The following WIF1 variants were observed in gnomAD, a reference collection of about 807,000 sequenced individuals.
WIF1 encodes the protein Wnt inhibitory factor 1.
A neutral mutation model predicts 53.5 loss-of-function variants in WIF1; 35 were observed. The ratio of observed to expected loss-of-function variants is 0.65; its 90% CI spans 0.50 to 0.87. WIF1 has a LOEUF of 0.87. Ranked by LOEUF, WIF1 falls within the 40% of genes least tolerant of loss-of-function variation. The probability of loss-of-function intolerance (pLI) is 0.00; values close to 1 mark genes in which losing one functional copy is unlikely to be tolerated. For synonymous variants in WIF1, 171 were observed against 170.4 expected (o/e 1.00, Z -0.03); for missense variants, 467 against 476.8 (o/e 0.98, Z 0.19).
intron 2 of WIF1, among the ~76,000 whole-genome samples, chr12:65,080,645 C>A (rs898491159): frequency 1.3e-5 from 2 of 152,022 alleles, no homozygotes; most frequent in African/African-American, 4.8e-5. Flanking sequence ...GTGATAGATG[C>A]CCTTATAATG....
intron 2 of WIF1, among the ~76,000 whole-genome samples, chr12:65,090,269 A>G (rs1592397620): frequency 6.6e-6 from 1 of 152,164 alleles, no homozygotes; most frequent in East Asian, 1.9e-4. Flanking sequence ...AGTCTGGGCT[A>G]GAGTGAGACC....
At chr12:65,075,866 A>G (rs1882853144) in intron 3 of WIF1, among the ~76,000 whole-genome samples, 1 of 152,212 alleles carries the variant, frequency 6.6e-6, no homozygotes, top group Non-Finnish European at 1.5e-5. Flanking sequence ...TACCTAATAT[A>G]CAACAAGCTT....
At chr12:65,090,493 C>A (rs899606251) in intron 2 of WIF1, among the ~76,000 whole-genome samples, 1 of 152,002 alleles carries the variant, frequency 6.6e-6, no homozygotes, top group Non-Finnish European at 1.5e-5. Flanking sequence ...AGTAAAAAAT[C>A]GAGACTGTGA....
intron 7 of WIF1, among the ~76,000 whole-genome samples, chr12:65,062,203 C>G (rs535661957): frequency 3.6e-4 from 55 of 152,256 alleles, no homozygotes; most frequent in African/African-American, 1.3e-3. Flanking sequence ...AAATGACTAA[C>G]AGAAAACAAT....
At chr12:65,076,916 G>A (rs146421367) in intron 3 of WIF1, among the ~76,000 whole-genome samples, 235 of 151,404 alleles carry the variant, frequency 1.6e-3, no homozygotes, top group Middle Eastern at 0.014. Flanking sequence ...AAATCATGAC[G>A]CAAAACCAAA....
At chr12:65,116,424 A>C (rs1285233585) in intron 2 of WIF1, among the ~76,000 whole-genome samples, 1 of 151,708 alleles carries the variant, frequency 6.6e-6, no homozygotes, top group Non-Finnish European at 1.5e-5. Context: ...TTTTATGAGA[A>C]TCTAATGCCT....
intron 2 of WIF1, among the ~76,000 whole-genome samples, chr12:65,086,050 A>T (rs1050345971): frequency 1.3e-5 from 2 of 152,322 alleles, no homozygotes; most frequent in African/African-American, 2.4e-5. Flanking sequence ...ACCAACAGTT[A>T]AGGTTTTTTA....
At chr12:65,081,636 T>C (rs1160413967) in intron 2 of WIF1, among the ~76,000 whole-genome samples, 1 of 152,218 alleles carries the variant, frequency 6.6e-6, no homozygotes, top group Non-Finnish European at 1.5e-5. Flanking sequence ...CTAATAAGAC[T>C]GTTCATAAGG....
intron 2 of WIF1, among the ~76,000 whole-genome samples, chr12:65,094,740 A>T (rs1485360518): frequency 6.6e-6 from 1 of 152,012 alleles, no homozygotes. Flanking sequence ...AAATGCAATA[A>T]ATAAAGAGGG....
At position 65,051,475 on chromosome 12, in the gene WIF1, A is replaced by G. The variant is rs1565746474; in HGVS notation, c.1019-5T>C. 2 of 1,580,030 alleles carry G rather than the reference A, an allele frequency of 1.3e-6. No individual in the cohort carries two copies. The highest frequency in any genetic ancestry group is 1.4e-5 in the African/African-American group (1 of 73,454). ...GTATGAGGCTGGCTTCGTACCCTGC[A>G]AAATTATTCACAGCTTAAAAGGAAA... On this transcript the variant is annotated splice_polypyrimidine_tract_variant and splice_region_variant and intron_variant, in intron 9 of 9. Transcript: ENST00000286574.
intron 7 of WIF1, among the ~76,000 whole-genome samples, chr12:65,061,339 C>T (rs564185471): frequency 1.3e-5 from 2 of 152,306 alleles, no homozygotes; most frequent in Admixed American, 6.5e-5. Context: ...TAACACTGTT[C>T]GGCTGTACCA....
At chr12:65,100,088 T>C (rs1883258168) in intron 2 of WIF1, among the ~76,000 whole-genome samples, 1 of 152,180 alleles carries the variant, frequency 6.6e-6, no homozygotes, top group Non-Finnish European at 1.5e-5. Context: ...CATAAAAATA[T>C]TTTACTCATT....
At chr12:65,090,505 A>T (rs1406301122) in intron 2 of WIF1, among the ~76,000 whole-genome samples, 1 of 152,160 alleles carries the variant, frequency 6.6e-6, no homozygotes, top group Non-Finnish European at 1.5e-5. Flanking sequence ...AGACTGTGAT[A>T]AAGGGCTTCA....
intron 7 of WIF1, among the ~76,000 whole-genome samples, chr12:65,058,363 C>T (rs904268923): frequency 3.3e-5 from 5 of 152,130 alleles, no homozygotes; most frequent in African/African-American, 9.7e-5. Context: ...ATTTTCTCCT[C>T]CTCTATGAGG....
At chr12:65,102,337 C>G (rs1257673986) in intron 2 of WIF1, among the ~76,000 whole-genome samples, 4 of 152,052 alleles carry the variant, frequency 2.6e-5, no homozygotes, top group African/African-American at 9.7e-5. Context: ...AGCTGGAGTC[C>G]CAGGAAAGCC....
At chr12:65,082,381 T>A (rs1882963202) in intron 2 of WIF1, among the ~76,000 whole-genome samples, 1 of 152,138 alleles carries the variant, frequency 6.6e-6, no homozygotes, top group African/African-American at 2.4e-5. Flanking sequence ...TAGGAAAAAG[T>A]ACATTTTGTT....
chr12:65,056,690 C>T (rs1882534163), intron 7 of WIF1, among the ~76,000 whole-genome samples: 1 of 151,920 alleles, frequency 6.6e-6, no homozygotes, highest in Non-Finnish European at 1.5e-5. Flanking sequence ...TGCTATTTTG[C>T]CCAGGCTGGA....
intron 3 of WIF1, 40 bp downstream of exon 3, chr12:65,077,706 A>T: frequency 7.2e-7 from 1 of 1,391,792 alleles, no homozygotes; most frequent in Non-Finnish European, 1.0e-6. Context: ...TCATCATTAC[A>T]TTTTAAGTGT....
rs372355965 is a variant in WIF1 at position 65,066,648 on chromosome 12, A to G, written c.723T>C (p.Cys241=). The change falls in exon 6 of 10, where the codon TGT becomes TGC. Residue 241 remains cysteine (C), a synonymous_variant. Coordinates refer to ENST00000286574, the MANE Select transcript of WIF1 (RefSeq NM_007191.5). Reference sequence around the variant, plus strand: ...TTAAAAAGAAACTGTTACCTTTGTCACAGTTCACTCCATAGAATCCAGGTG... The same window carrying G: ...TTAAAAAGAAACTGTTACCTTTGTCGCAGTTCACTCCATAGAATCCAGGTG... ...ICPPGFYGVN[C]DKANCSTTCF... The G allele has an allele frequency of 8.1e-6, 13 of 1,600,988 alleles. No homozygotes were observed. Among genetic ancestry groups the G allele is most frequent in the Non-Finnish European group, 1.1e-5 (13 of 1,175,438 alleles).
Sources: gnomAD v4.1 joint callset for allele counts (sites outside exome capture counted in the v4.1 genomes callset) on GRCh38, gnomAD v4.1.1 for gene constraint, MANE v1.5 for transcripts, NCBI Gene and HGNC (gene_info 2026-07-23, HGNC 2026-07-21) for gene names.